The following NLGN1 variants were observed in gnomAD, a reference collection of about 807,000 sequenced individuals.
NLGN1 encodes the protein neuroligin 1.
In NLGN1, 12 loss-of-function variants were observed where a neutral mutation model predicts 65.5. The observed-to-expected ratio is 0.18, with a 90% CI of 0.12 to 0.30. The LOEUF (loss-of-function observed/expected upper bound fraction) is 0.30. Ranked by LOEUF, NLGN1 falls within the 10% of genes least tolerant of loss-of-function variation. The pLI, the probability that NLGN1 is intolerant of heterozygous loss-of-function variation, is 1.00. For missense variants in NLGN1, 750 were observed against 1,007.1 expected, an observed-to-expected ratio of 0.74 and a Z score of 3.46; for synonymous variants, 350 against 359.5, an observed-to-expected ratio of 0.97 and a Z score of 0.30.
At chr3:173,744,487 A>C (rs1018146593) in intron 3 of NLGN1, among the ~76,000 whole-genome samples, 1 of 152,138 alleles carries the variant, frequency 6.6e-6, no homozygotes, top group Non-Finnish European at 1.5e-5. Context: ...TGCTGCAGAA[A>C]GGAGGGACAG....
At chr3:174,268,842 A>C (rs974454983) in intron 4 of NLGN1, among the ~76,000 whole-genome samples, 1 of 152,044 alleles carries the variant, frequency 6.6e-6, no homozygotes, top group African/African-American at 2.4e-5. Context: ...TTCTGAGACA[A>C]GTCATTAAAG....
chr3:173,409,752 TCTGA>T (rs1178717607), intron 1 of NLGN1, among the ~76,000 whole-genome samples: 12 of 152,358 alleles, frequency 7.9e-5, no homozygotes, highest in African/African-American at 1.2e-4. Flanking sequence ...AATAAGTTTG[TCTGA>T]CTATTTCCCT....
At chr3:174,052,292 T>C (rs1230986207) in intron 4 of NLGN1, among the ~76,000 whole-genome samples, 1 of 152,022 alleles carries the variant, frequency 6.6e-6, no homozygotes, top group Non-Finnish European at 1.5e-5. Context: ...TCAGATGATT[T>C]GGGGCCCTTT....
intron 3 of NLGN1, among the ~76,000 whole-genome samples, chr3:173,738,151 C>A (rs1028569128): frequency 2.2e-4 from 33 of 151,752 alleles, no homozygotes; most frequent in African/African-American, 7.5e-4. Context: ...AGACACAAGT[C>A]TTTTATGAGA....
chr3:173,565,131 A>G (rs138708260), intron 2 of NLGN1, among the ~76,000 whole-genome samples: 1 of 152,338 alleles, frequency 6.6e-6, no homozygotes, highest in East Asian at 1.9e-4. Context: ...TATGTGCAGT[A>G]TAAGGTTGGG....
intron 4 of NLGN1, among the ~76,000 whole-genome samples, chr3:173,810,455 G>A (rs1488056032): frequency 6.6e-6 from 1 of 152,262 alleles, no homozygotes; most frequent in East Asian, 1.9e-4. Flanking sequence ...TTTCACTGGG[G>A]TATTTTGGTG....
chr3:174,276,540 G>GTGT (rs1750624995), intron 5 of NLGN1, among the ~76,000 whole-genome samples: 1 of 151,820 alleles, frequency 6.6e-6, no homozygotes, highest in African/African-American at 2.4e-5. Context: ...AATTCATGAA[G>GTGT]TGTTTTAATT....
At chr3:173,783,415 G>T (rs767175334) in intron 3 of NLGN1, among the ~76,000 whole-genome samples, 5 of 152,056 alleles carry the variant, frequency 3.3e-5, no homozygotes, top group Non-Finnish European at 7.4e-5. Flanking sequence ...TGGCCTCAGT[G>T]TCCTCACCTG....
chr3:173,452,792 G>T (rs184023499), intron 2 of NLGN1, among the ~76,000 whole-genome samples: 1 of 152,134 alleles, frequency 6.6e-6, no homozygotes, highest in Non-Finnish European at 1.5e-5. Context: ...CTGTGTGTTC[G>T]GTTCCAGACC....
chr3:173,464,682 G>A (rs1724019822), intron 2 of NLGN1, among the ~76,000 whole-genome samples: 1 of 152,064 alleles, frequency 6.6e-6, no homozygotes, highest in Non-Finnish European at 1.5e-5. Flanking sequence ...TGATCTGCCC[G>A]CCTTGGCCTC....
At chr3:173,782,978 T>C (rs116127875) in intron 3 of NLGN1, among the ~76,000 whole-genome samples, 6,165 of 147,070 alleles carry the variant, frequency 0.042, 166 homozygotes, top group African/African-American at 0.084. Context: ...ACAGCAAATA[T>C]AGAAAGCTGT....
chr3:173,870,325 C>CA (rs1037027890), intron 4 of NLGN1, among the ~76,000 whole-genome samples: 6 of 152,150 alleles, frequency 3.9e-5, no homozygotes, highest in African/African-American at 1.4e-4. Flanking sequence ...TATATCTTCA[C>CA]AAAAACCTAA....
chr3:174,223,537 C>T (rs1405196035), intron 4 of NLGN1, among the ~76,000 whole-genome samples: 1 of 152,050 alleles, frequency 6.6e-6, no homozygotes, highest in Non-Finnish European at 1.5e-5. Flanking sequence ...TAATCTCACC[C>T]ACTCACCTGC....
In NLGN1 at chr3:173,673,042, A is replaced by G. The variant is rs1762660763; in HGVS notation, c.493+67951A>G. ...GGCATGACAAGGAGACTGGTTTGTG[A>G]TTAAAGGTTGATGCTTTTAAGTACT... On this transcript the variant is annotated intron_variant, in intron 3 of 6. Coordinates refer to ENST00000457714, the Ensembl canonical transcript of NLGN1. Among the ~76,000 whole-genome samples, 3 of 152,344 alleles carry G rather than the reference A, an allele frequency of 2.0e-5. No homozygotes were observed. In the South Asian group the frequency reaches 6.2e-4, roughly 32 times the overall value.
At chr3:173,516,940 C>T (rs1444498476) in intron 2 of NLGN1, among the ~76,000 whole-genome samples, 1 of 151,970 alleles carries the variant, frequency 6.6e-6, no homozygotes, top group African/African-American at 2.4e-5. Flanking sequence ...ATTCAAAAGA[C>T]TGATTCTATT....
chr3:173,742,793 G>A (rs896249524), intron 3 of NLGN1, among the ~76,000 whole-genome samples: 2 of 151,968 alleles, frequency 1.3e-5, no homozygotes, highest in African/African-American at 4.8e-5. Flanking sequence ...AAGTGGCCCT[G>A]GTTTTTTCAT....
chr3:173,474,984 A>T (rs887210040), intron 2 of NLGN1, among the ~76,000 whole-genome samples: 2 of 152,004 alleles, frequency 1.3e-5, no homozygotes, highest in Non-Finnish European at 2.9e-5. Flanking sequence ...AAAAGAAAAG[A>T]CAGAAGTTAT....
chr3:173,703,877 T>C (rs989042047), intron 3 of NLGN1, among the ~76,000 whole-genome samples: 1 of 152,222 alleles, frequency 6.6e-6, no homozygotes, highest in Non-Finnish European at 1.5e-5. Flanking sequence ...GCATGGTCTT[T>C]ATTGCTCATA....
At chr3:173,630,281 A>G (rs1030046901) in intron 3 of NLGN1, among the ~76,000 whole-genome samples, 2 of 152,176 alleles carry the variant, frequency 1.3e-5, no homozygotes, top group Non-Finnish European at 1.5e-5. Flanking sequence ...AACAGTGAAC[A>G]GTGATCTATT....
Sources: gnomAD v4.1 joint callset for allele counts (sites outside exome capture counted in the v4.1 genomes callset) on GRCh38, gnomAD v4.1.1 for gene constraint, MANE v1.5 for transcripts, NCBI Gene and HGNC (gene_info 2026-07-23, HGNC 2026-07-21) for gene names.